Variants in FGF13 observed in about 807,000 individuals in gnomAD.
FGF13 encodes fibroblast growth factor 13, also known as fibroblast growth factor homologous factor 2.
Under a neutral mutation model 19.5 loss-of-function variants are expected in FGF13, and 2 were observed. That is an observed-to-expected ratio of 0.10 (90% confidence interval 0.04 to 0.32). The LOEUF (loss-of-function observed/expected upper bound fraction) is 0.32, where lower values mean the gene tolerates loss of function less well. Ranked by LOEUF, FGF13 falls within the 10% of genes least tolerant of loss-of-function variation. The probability of loss-of-function intolerance (pLI) is 1.00; values close to 1 mark genes in which losing one functional copy is unlikely to be tolerated. For missense variants in FGF13, 113 were observed against 192.7 expected, an observed-to-expected ratio of 0.59 and a Z score of 2.45; for synonymous variants, 72 against 76.9, an observed-to-expected ratio of 0.94 and a Z score of 0.33.
intron 1 of FGF13, among the ~76,000 whole-genome samples, chrX:138,710,247 T>TCC (rs2090029998): frequency 1.0e-5 from 1 of 95,701 alleles, no homozygotes; most frequent in Non-Finnish European, 2.1e-5. Flanking sequence ...GTTCTAGAAA[T>TCC]CCCCCCTCCC....
At chrX:139,088,354 T>A (rs980333304) in intron 1 of FGF13, among the ~76,000 whole-genome samples, 6 of 111,100 alleles carry the variant, frequency 5.4e-5, no homozygotes, top group Admixed American at 9.6e-5. Flanking sequence ...ACTTGGTAAG[T>A]AATAACTTGA....
intron 1 of FGF13, among the ~76,000 whole-genome samples, chrX:138,902,960 G>A (rs1307598247): frequency 1.8e-5 from 2 of 110,227 alleles, no homozygotes; most frequent in Non-Finnish European, 3.8e-5. Flanking sequence ...AAAAGAACAA[G>A]GAGAAAAAAA....
rs1257454148 is a variant in FGF13 at position 139,195,315 on chromosome X, G to A, written c.-113+8101C>T. 2.7e-5 allele frequency among the ~76,000 whole-genome samples: 3 copies of A among 112,002 alleles called. No individual in the cohort carries two copies. The Admixed American group carries it at 2.8e-4, about 11-fold the overall frequency. The stretch of plus-strand genomic sequence containing the variant: ...CTCACAAATTCAAGAGCTCTTGGAA[G>A]CCTTAATGTTCAATAAACCCCCCAA... On this transcript the variant is annotated intron_variant, in intron 1 of 2. Coordinates refer to the FGF13 transcript ENST00000421460.
intron 3 of FGF13, among the ~76,000 whole-genome samples, chrX:138,844,064 T>C: frequency 8.9e-6 from 1 of 112,388 alleles, no homozygotes; most frequent in East Asian, 2.8e-4. Flanking sequence ...GCAAGAAACG[T>C]TCACTGCTAG....
At chrX:138,890,440 C>T (rs2091471136) in intron 1 of FGF13, among the ~76,000 whole-genome samples, 1 of 111,249 alleles carries the variant, frequency 9.0e-6, no homozygotes, top group Non-Finnish European at 1.9e-5. Context: ...TACCAAGTTG[C>T]ACACATTAAC....
At chrX:138,998,077 C>G (rs1480458326) in intron 1 of FGF13, among the ~76,000 whole-genome samples, 13 of 111,651 alleles carry the variant, frequency 1.2e-4, no homozygotes, top group East Asian at 5.6e-4. Context: ...AGTATCCAGC[C>G]AAACTAAGCT....
Position 138,908,575 on chromosome X carries a change from C to T in FGF13, c.-112-43925G>A, listed in dbSNP as rs754030754. ...AGAGGCAGGGATAAGGAAGATCCTTCAGTTCTAACATTCTGTGCTGCTAAT... is the reference window on the plus strand; with the variant it reads ...AGAGGCAGGGATAAGGAAGATCCTTTAGTTCTAACATTCTGTGCTGCTAAT... On this transcript the variant is annotated intron_variant, in intron 1 of 2. Transcript: ENST00000421460. 4.5e-5 allele frequency among the ~76,000 whole-genome samples: 5 copies of T among 110,419 alleles called. No homozygotes were observed. In the Admixed American group the frequency reaches 4.8e-4, roughly 11 times the overall value.
intron 1 of FGF13, among the ~76,000 whole-genome samples, chrX:139,042,799 G>A (rs767641158): frequency 7.2e-5 from 8 of 111,428 alleles, no homozygotes; most frequent in Non-Finnish European, 1.5e-4. Flanking sequence ...CCCGTATAAT[G>A]TTAAATTTGT....
chrX:138,891,480 C>G (rs186881033), intron 1 of FGF13, among the ~76,000 whole-genome samples: 26 of 111,012 alleles, frequency 2.3e-4, no homozygotes, highest in Non-Finnish European at 1.1e-4. Context: ...CACTGGGGCT[C>G]ACCCCTCATG....
intron 1 of FGF13, among the ~76,000 whole-genome samples, chrX:139,176,286 C>G: frequency 9.1e-6 from 1 of 110,303 alleles, no homozygotes; most frequent in Non-Finnish European, 1.9e-5. Context: ...TTTGATTCTT[C>G]TCTCTTTTCT....
At position 138,944,249 on chromosome X, in the gene FGF13, A is replaced by G. The variant is rs187822909; in HGVS notation, c.-112-79599T>C. Among the ~76,000 whole-genome samples, 313 of 111,098 alleles carry G rather than the reference A, an allele frequency of 2.8e-3. 3 individuals are homozygous for G. Among genetic ancestry groups the G allele is most frequent in the Admixed American group, 0.027 (284 of 10,394 alleles). ...CTGATTCCCCTCCATTCTTCCCTAC[A>G]GAAGGATAAGATAAATGGCTGTCCA... On this transcript the variant is annotated intron_variant, in intron 1 of 2. Transcript: ENST00000421460.
At chrX:138,965,543 G>A (rs1417215377) in intron 1 of FGF13, among the ~76,000 whole-genome samples, 1 of 112,176 alleles carries the variant, frequency 8.9e-6, no homozygotes. Context: ...GTGGTTTCTT[G>A]CATTCTTTCA....
At chrX:138,984,908 A>G (rs1485896698) in intron 1 of FGF13, 1 of 277,381 alleles carries the variant, frequency 3.6e-6, no homozygotes, top group Non-Finnish European at 7.0e-6. Context: ...AAATGAAAAT[A>G]CAACTGGGGA....
At chrX:138,934,723 T>C (rs1461516691) in intron 1 of FGF13, among the ~76,000 whole-genome samples, 1 of 112,191 alleles carries the variant, frequency 8.9e-6, no homozygotes, top group Admixed American at 9.4e-5. Flanking sequence ...CCCAAGCCAG[T>C]CCATCATAAA....
At chrX:138,716,806 T>A (rs1325444385) in intron 1 of FGF13, among the ~76,000 whole-genome samples, 1 of 111,551 alleles carries the variant, frequency 9.0e-6, no homozygotes, top group Non-Finnish European at 1.9e-5. Context: ...AACCATCCTT[T>A]TAGAAACTGA....
chrX:138,720,637 G>A (rs759610385), intron 1 of FGF13, among the ~76,000 whole-genome samples: 13 of 111,474 alleles, frequency 1.2e-4, no homozygotes, highest in South Asian at 7.6e-4. Context: ...GCCCAAAGAG[G>A]GTGCAGCTAA....
intron 3 of FGF13, among the ~76,000 whole-genome samples, chrX:138,831,747 G>T (rs1214313656): frequency 9.1e-6 from 1 of 110,031 alleles, no homozygotes; most frequent in Non-Finnish European, 1.9e-5. Flanking sequence ...TGTGTCATGA[G>T]GGTTTGTTTT....
chrX:139,078,051 T>G (rs1414801124), intron 1 of FGF13, among the ~76,000 whole-genome samples: 1 of 110,926 alleles, frequency 9.0e-6, no homozygotes. Context: ...TTGTGGTGGA[T>G]TTTTGTTTGT....
intron 1 of FGF13, among the ~76,000 whole-genome samples, chrX:138,866,970 C>T (rs2091328001): frequency 9.0e-6 from 1 of 111,680 alleles, no homozygotes; most frequent in Admixed American, 9.5e-5. Context: ...AAGAACATCA[C>T]CTACAACATG....
Sources: allele counts gnomAD v4.1 joint callset (sites outside exome capture counted in the v4.1 genomes callset), GRCh38; gene constraint gnomAD v4.1.1; transcripts MANE v1.5; gene names NCBI Gene and HGNC (gene_info 2026-07-23, HGNC 2026-07-21).